Variants in UNG observed in about 807,000 individuals in gnomAD.
The protein encoded by UNG is uracil-DNA glycosylase.
Under a neutral mutation model 36.5 loss-of-function variants are expected in UNG, and 34 were observed. That is an observed-to-expected ratio of 0.93 (90% CI 0.71 to 1.24). The LOEUF (loss-of-function observed/expected upper bound fraction) is 1.24. UNG is among the 50% of genes most tolerant of loss of function. UNG has a pLI of 0.00. For missense variants in UNG, 391 were observed against 397.6 expected, an observed-to-expected ratio of 0.98 and a Z score of 0.14; for synonymous variants, 172 against 157.8, an observed-to-expected ratio of 1.09 and a Z score of -0.67.
At chr12:109,105,875 G>A (rs2042211672) in intron 6 of UNG, among the ~76,000 whole-genome samples, 1 of 152,262 alleles carries the variant, frequency 6.6e-6, no homozygotes, top group East Asian at 1.9e-4. Context: ...GGAAGGCCTT[G>A]CCTTAGGCTG....
chr12:109,105,682 T>C (rs2042210412), intron 6 of UNG, among the ~76,000 whole-genome samples: 1 of 152,238 alleles, frequency 6.6e-6, no homozygotes, highest in Non-Finnish European at 1.5e-5. Flanking sequence ...GCCAGATCTA[T>C]TACTGACACC....
chr12:109,099,791 G>T (rs149197671), intron 3 of UNG, among the ~76,000 whole-genome samples: 1 of 152,160 alleles, frequency 6.6e-6, no homozygotes, highest in East Asian at 1.9e-4. Flanking sequence ...TCAGAAGTTC[G>T]TGGGGCTGGG....
chr12:109,100,331 G>A (rs1310060035), intron 3 of UNG, among the ~76,000 whole-genome samples: 1 of 152,204 alleles, frequency 6.6e-6, no homozygotes, highest in African/African-American at 2.4e-5. Flanking sequence ...AGCACCTGCT[G>A]ACACTGGACT....
Position 109,110,974 on chromosome 12 carries a change from TAA to T in UNG, c.*1008_*1009del, listed in dbSNP as rs1278184831. On this transcript the variant is annotated 3_prime_UTR_variant, in exon 7 of 7. Coordinates refer to ENST00000242576, the MANE Select transcript of UNG (RefSeq NM_080911.3). ...GTTGGCTCTACGCGAGGTTTGTTAA[TAA>T]AAGTTTGTTAAAAGTTTGTTTTGTG... 1.3e-5 allele frequency: 2 copies of T among 152,178 alleles called. No individual in the cohort carries two copies. Among genetic ancestry groups the T allele is most frequent in the Non-Finnish European group, 2.9e-5 (2 of 68,022 alleles). The allele number at this position is 152,178 out of a possible 1,614,324, so 9.4% of individuals were successfully genotyped here. A position where few individuals can be genotyped will look rare whatever the true frequency, so the allele number is the denominator to read the frequency against.
chr12:109,102,723 CCCTT>C, intron 4 of UNG, 112 bp from the exon 5 acceptor site: 1 of 794,136 alleles, frequency 1.3e-6, no homozygotes, highest in East Asian at 2.6e-5. Context: ...GTGCCAGTGT[CCCTT>C]CCAAGGGCTG....
chr12:109,109,900 A>T lies in UNG; in HGVS notation c.873A>T (p.Arg291Ser). The change falls in exon 7 of 7, where the codon AGA (arginine) becomes AGT (serine). Residue 291 changes from arginine to serine, a missense_variant. Coordinates refer to ENST00000242576, the MANE Select transcript of UNG (RefSeq NM_080911.3). ...TGTATAGAGGGTTCTTTGGATGTAGACACTTTTCAAAGACCAATGAGCTGC... is the reference window on the plus strand; with the variant it reads ...TGTATAGAGGGTTCTTTGGATGTAGTCACTTTTCAAAGACCAATGAGCTGC... ...LSVYRGFFGC[R>S]HFSKTNELLQ... The T allele has an allele frequency of 6.2e-7, 1 of 1,614,122 alleles. No homozygotes were observed. Among genetic ancestry groups the T allele is most frequent in the Non-Finnish European group, 8.5e-7 (1 of 1,180,022 alleles).
At chr12:109,103,294 G>A in intron 5 of UNG, 139 bp from the exon 6 acceptor site, 1 of 838,610 alleles carries the variant, frequency 1.2e-6, no homozygotes, top group Non-Finnish European at 2.0e-6. Flanking sequence ...CTGCCATTAT[G>A]CCGGCTGCAG....
chr12:109,100,681 T>C (rs1450761303), intron 3 of UNG, among the ~76,000 whole-genome samples: 2 of 152,216 alleles, frequency 1.3e-5, no homozygotes, highest in Non-Finnish European at 2.9e-5. Flanking sequence ...TTCAAACCTA[T>C]GAGGATCAGA....
chr12:109,105,514 C>T (rs768670102), intron 6 of UNG, among the ~76,000 whole-genome samples: 1 of 152,228 alleles, frequency 6.6e-6, no homozygotes, highest in Admixed American at 6.5e-5. Flanking sequence ...CCCAGTGTCT[C>T]TTCTGATCTA....
At chr12:109,104,055 G>GTTTTTTGTTTATTGT in intron 6 of UNG, among the ~76,000 whole-genome samples, 1 of 148,226 alleles carries the variant, frequency 6.7e-6, no homozygotes, top group Non-Finnish European at 1.5e-5. Flanking sequence ...TTGTTTCTGG[G>GTTTTTTGTTTATTGT]TTTTTTGTTT....
chr12:109,110,249 C>A lies in UNG; in HGVS notation c.*280C>A. 1 of 467,034 alleles carries A rather than the reference C, an allele frequency of 2.1e-6. No homozygotes were observed. Among genetic ancestry groups the A allele is most frequent in the African/African-American group, 2.0e-5 (1 of 50,892 alleles). The allele number at this position is 467,034 out of a possible 1,614,324, so 28.9% of individuals were successfully genotyped here. A position where few individuals can be genotyped will look rare whatever the true frequency, so the allele number is the denominator to read the frequency against. On this transcript the variant is annotated 3_prime_UTR_variant, in exon 7 of 7. Coordinates refer to ENST00000242576, the MANE Select transcript of UNG (RefSeq NM_080911.3). ...AATACTCAGTTGGCTCTCTTTATCT[C>A]CCTTGCCTTTATGGTGAAACAGGGG...
rs1296065908 is a variant in UNG, at chr12:109,098,455, G to A, written c.156G>A (p.Pro52=). 3 of 1,610,672 alleles carry A rather than the reference G, an allele frequency of 1.9e-6. No homozygotes were observed. Among genetic ancestry groups the A allele is most frequent in the East Asian group, 4.5e-5 (2 of 44,856 alleles). ...DAAAIPAKKA[P]AGQEEPGTPP... ...AGGCCATCCCAGCCAAGAAGGCCCC[G>A]GCTGGGCAGGAGGAGCCTGGGACGC... Residue 52 remains proline, a synonymous_variant, in exon 2 of 7, where the codon CCG becomes CCA. Transcript: ENST00000242576.
chr12:109,107,068 A>G (rs1053030258), intron 6 of UNG, among the ~76,000 whole-genome samples: 7 of 150,756 alleles, frequency 4.6e-5, no homozygotes, highest in Non-Finnish European at 7.4e-5. Flanking sequence ...GCTACACTAT[A>G]TAGCCTAGGT....
At chr12:109,105,724 T>C (rs573336177) in intron 6 of UNG, among the ~76,000 whole-genome samples, 3 of 152,316 alleles carry the variant, frequency 2.0e-5, no homozygotes, top group East Asian at 3.9e-4. Context: ...TCTTCTGTCC[T>C]TTTTTTCCAC....
In UNG at chr12:109,098,693, T is replaced by C. The variant is rs781120464; in HGVS notation, c.339+55T>C. 20 of 1,610,676 alleles carry C rather than the reference T, an allele frequency of 1.2e-5. No individual in the cohort carries two copies. The South Asian group carries it at 1.9e-4, about 15-fold the overall frequency. On this transcript the variant is annotated intron_variant, in intron 2 of 6. Coordinates refer to ENST00000242576, the MANE Select transcript of UNG (RefSeq NM_080911.3). ...GTAAATGTGGAGGCTGCCGGCCCTT[T>C]TGTCTTGTTAGTGTAGCCGGCCAAG...
rs1035623046 is a variant in UNG, at chr12:109,099,220, A to G, written c.371A>G (p.His124Arg). The change falls in exon 3 of 7, where the codon CAT becomes CGT. Residue 124 changes from histidine (H) to arginine (R), a missense_variant. Physicochemically the swap from His to Arg is conservative, Grantham distance 29 (BLOSUM62 0). Coordinates refer to ENST00000242576, the MANE Select transcript of UNG (RefSeq NM_080911.3). The part of the protein sequence containing the change: ...LMGFVAEERK[H>R]YTVYPPPHQV... The stretch of plus-strand genomic sequence containing the variant: ...GGATTTGTTGCAGAAGAAAGAAAGC[A>G]TTACACTGTTTATCCACCCCCACAC... 7.4e-6 allele frequency: 12 copies of G among 1,613,786 alleles called. No individual in the cohort carries two copies. Among genetic ancestry groups the G allele is most frequent in the Non-Finnish European group, 1.0e-5 (12 of 1,180,030 alleles).
intron 3 of UNG, among the ~76,000 whole-genome samples, chr12:109,101,626 C>A (rs2042177502): frequency 6.6e-6 from 1 of 152,120 alleles, no homozygotes; most frequent in Non-Finnish European, 1.5e-5. Flanking sequence ...GGGAGGACCA[C>A]TTGAGCCCAG....
rs747503756 is a variant in UNG, at chr12:109,103,639, CTTTTTTTTT to C, written c.801+30_801+38del. 4.3e-6 allele frequency: 6 copies of C among 1,382,898 alleles called. No individual in the cohort carries two copies. The South Asian group carries it at 7.6e-5, about 18-fold the overall frequency. The allele number at this position is 1,382,898 out of a possible 1,614,324, so 85.7% of individuals were successfully genotyped here. A position where few individuals can be genotyped will look rare whatever the true frequency, so the allele number is the denominator to read the frequency against. ...ATGTTTTGTTTTCTTTCTTTTTTTT[CTTTTTTTTT>C]TAACACTATAAAAACAATGTAAAGA... On this transcript the variant is annotated intron_variant, in intron 6 of 6. Coordinates refer to ENST00000242576, the MANE Select transcript of UNG (RefSeq NM_080911.3).
At chr12:109,098,221 C>T (rs1382392207) in intron 1 of UNG, 3 of 1,469,568 alleles carry the variant, frequency 2.0e-6, no homozygotes, top group Non-Finnish European at 2.7e-6. Context: ...CATAGGGCGC[C>T]TCCCAGCCCG....
Sources: allele counts gnomAD v4.1 joint callset (sites outside exome capture counted in the v4.1 genomes callset), GRCh38; gene constraint gnomAD v4.1.1; transcripts MANE v1.5; gene names NCBI Gene and HGNC (gene_info 2026-07-23, HGNC 2026-07-21).